The following SLIT3 variants were observed in gnomAD, a reference collection of about 807,000 sequenced individuals.
SLIT3 encodes the protein slit homolog 3 protein.
In SLIT3, 68 loss-of-function variants were observed where a neutral mutation model predicts 184.0. That is an observed-to-expected ratio of 0.37 (90% CI 0.30 to 0.45). The LOEUF (loss-of-function observed/expected upper bound fraction) is 0.45. Ranked by LOEUF, SLIT3 falls within the 20% of genes least tolerant of loss-of-function variation. The probability of loss-of-function intolerance (pLI) is 1.00; values close to 1 mark genes in which losing one functional copy is unlikely to be tolerated. For missense variants in SLIT3, 1,707 were observed against 2,026.0 expected, an observed-to-expected ratio of 0.84 and a Z score of 3.02; for synonymous variants, 831 against 828.6, an observed-to-expected ratio of 1.00 and a Z score of -0.05.
intron 3 of SLIT3, among the ~76,000 whole-genome samples, chr5:169,240,240 T>C (rs1765349135): frequency 6.6e-6 from 1 of 152,002 alleles, no homozygotes; most frequent in Non-Finnish European, 1.5e-5. Context: ...GTGTTCTCTA[T>C]ATATCAGTTA....
chr5:168,978,530 G>C (rs911323304), intron 4 of SLIT3, among the ~76,000 whole-genome samples: 2 of 152,074 alleles, frequency 1.3e-5, no homozygotes, highest in African/African-American at 4.8e-5. Context: ...TGTCAACTCA[G>C]CCCCTTATAG....
intron 6 of SLIT3, among the ~76,000 whole-genome samples, chr5:168,834,078 G>A (rs1402882408): frequency 6.6e-6 from 1 of 152,268 alleles, no homozygotes; most frequent in Non-Finnish European, 1.5e-5. Flanking sequence ...AGTGAGGCAG[G>A]GCCGGCTCTT....
Position 168,683,995 on chromosome 5 carries a change from G to T in SLIT3, c.3657C>A (p.Ser1219Arg). The change falls in exon 32 of 36, where the codon AGC (serine) becomes AGA (arginine). Residue 1219 changes from serine to arginine, a missense_variant. Coordinates refer to ENST00000519560, the MANE Select transcript of SLIT3 (RefSeq NM_003062.4). ...YQGHVRLVYD[S>R]LSSPPTTVYS... ...ACACTGTGGTTGGAGGGGAACTCAGGCTGTCATAGACCAGCCGCACGTGGC... is the reference window on the plus strand; with the variant it reads ...ACACTGTGGTTGGAGGGGAACTCAGTCTGTCATAGACCAGCCGCACGTGGC... 6.3e-7 allele frequency: 1 copy of T among 1,595,934 alleles called. No individual in the cohort carries two copies. The highest frequency in any genetic ancestry group is 1.1e-5 in the South Asian group (1 of 88,466).
intron 27 of SLIT3, among the ~76,000 whole-genome samples, chr5:168,699,813 C>G (rs1762163532): frequency 1.3e-5 from 2 of 152,134 alleles, no homozygotes; most frequent in Non-Finnish European, 2.9e-5. Flanking sequence ...CTAGTTGGTA[C>G]CTGGCATAGT....
chr5:168,954,201 A>C lies in SLIT3; in HGVS notation c.414-70865T>G, dbSNP rs374615543. ...TTGGGCAGGTTACTTACCCTCCTGA[A>C]CCCTAACCACTTAGCGACAAACTGG... On this transcript the variant is annotated intron_variant, in intron 4 of 35. Transcript: ENST00000519560. 2.6e-5 allele frequency among the ~76,000 whole-genome samples: 4 copies of C among 152,108 alleles called. No individual in the cohort carries two copies. In the South Asian group the frequency reaches 8.3e-4, roughly 32 times the overall value.
chr5:168,672,945 C>T (rs1286454468), intron 33 of SLIT3, among the ~76,000 whole-genome samples: 1 of 152,222 alleles, frequency 6.6e-6, no homozygotes, highest in African/African-American at 2.4e-5. Context: ...TCACCCTTGC[C>T]CGTCACAACG....
At chr5:168,828,665 A>AAAAAAAAAAAAAAAAAG (rs1444104243) in intron 6 of SLIT3, among the ~76,000 whole-genome samples, 18 of 150,354 alleles carry the variant, frequency 1.2e-4, no homozygotes, top group Non-Finnish European at 2.5e-4. Flanking sequence ...ACTCAAAAAA[A>AAAAAAAAAAAAAAAAAG]AAAAAGAAAA....
At chr5:169,113,574 T>A (rs573281584) in intron 4 of SLIT3, among the ~76,000 whole-genome samples, 1 of 152,182 alleles carries the variant, frequency 6.6e-6, no homozygotes, top group Non-Finnish European at 1.5e-5. Context: ...AACTGTCCTT[T>A]TGAGGGTTCC....
intron 4 of SLIT3, among the ~76,000 whole-genome samples, chr5:169,149,031 C>T (rs1466707315): frequency 6.6e-6 from 1 of 152,186 alleles, no homozygotes; most frequent in Non-Finnish European, 1.5e-5. Context: ...AGAAAGCCTG[C>T]ATGACCCGCC....
chr5:168,755,853 G>A (rs1004563203), intron 16 of SLIT3, among the ~76,000 whole-genome samples: 2 of 152,298 alleles, frequency 1.3e-5, no homozygotes, highest in South Asian at 4.1e-4. Context: ...AGATGCTGCA[G>A]AGCCATTAGC....
chr5:168,924,010 C>T (rs1217900860), intron 4 of SLIT3, among the ~76,000 whole-genome samples: 4 of 152,236 alleles, frequency 2.6e-5, no homozygotes, highest in Non-Finnish European at 5.9e-5. Context: ...GACTGTCTGG[C>T]CTGCAAAGCC....
At chr5:168,896,686 A>C (rs1226321153) in intron 4 of SLIT3, among the ~76,000 whole-genome samples, 8 of 152,182 alleles carry the variant, frequency 5.3e-5, no homozygotes, top group Admixed American at 4.6e-4. Flanking sequence ...AGCCCCTACG[A>C]GGCTGGTTGG....
At chr5:168,934,152 A>T (rs1421450154) in intron 4 of SLIT3, among the ~76,000 whole-genome samples, 1 of 152,278 alleles carries the variant, frequency 6.6e-6, no homozygotes, top group Admixed American at 6.5e-5. Flanking sequence ...CTCTAAAGAG[A>T]TCCATTTGCC....
At chr5:169,147,784 C>T (rs371080943) in intron 4 of SLIT3, among the ~76,000 whole-genome samples, 29 of 152,188 alleles carry the variant, frequency 1.9e-4, no homozygotes, top group East Asian at 9.7e-4. Flanking sequence ...GTGCAACCTG[C>T]GCCAGCTGTC....
chr5:169,045,160 G>A (rs1757585506), intron 4 of SLIT3, among the ~76,000 whole-genome samples: 3 of 152,186 alleles, frequency 2.0e-5, no homozygotes, highest in Admixed American at 2.0e-4. Context: ...AGACGACAAT[G>A]CATTCCTGTT....
intron 12 of SLIT3, among the ~76,000 whole-genome samples, chr5:168,784,871 A>AC (rs1234402174): frequency 6.9e-6 from 1 of 144,086 alleles, no homozygotes; most frequent in African/African-American, 2.7e-5. Context: ...TTAAAAAGAC[A>AC]CACACACACA....
rs77832722 is a variant in SLIT3 at position 169,240,031 on chromosome 5, G to A, written c.341+4674C>T. On this transcript the variant is annotated intron_variant, in intron 3 of 35. Coordinates refer to ENST00000519560, the MANE Select transcript of SLIT3 (RefSeq NM_003062.4). ...TCCACTGTGATATGTTCTTCAACTC[G>A]GAGTATTTAGAGGTATATTACTGAA... is the stretch of plus-strand genomic sequence containing the variant. Among the ~76,000 whole-genome samples, 1,115 of 151,954 alleles carry A rather than the reference G, an allele frequency of 7.3e-3. 8 individuals carry two copies. Among genetic ancestry groups the A allele is most frequent in the African/African-American group, 0.022 (922 of 41,504 alleles).
intron 4 of SLIT3, among the ~76,000 whole-genome samples, chr5:169,173,186 G>C (rs137933551): frequency 6.6e-6 from 1 of 152,120 alleles, no homozygotes; most frequent in East Asian, 1.9e-4. Flanking sequence ...GCTTGAACCC[G>C]GGAGGCGAGG....
chr5:169,216,130 CCTT>C (rs1162377833), intron 3 of SLIT3, among the ~76,000 whole-genome samples: 1 of 152,216 alleles, frequency 6.6e-6, no homozygotes, highest in African/African-American at 2.4e-5. Context: ...GGGTTGGCCT[CCTT>C]CTGCCAAAGT....
Sources: gnomAD v4.1 joint callset for allele counts (sites outside exome capture counted in the v4.1 genomes callset) on GRCh38, gnomAD v4.1.1 for gene constraint, MANE v1.5 for transcripts, NCBI Gene and HGNC (gene_info 2026-07-23, HGNC 2026-07-21) for gene names.